EXOC2: variants seen among roughly 807,000 people sequenced by gnomAD.
EXOC2 encodes exocyst complex component 2.
In EXOC2, 70 loss-of-function variants were observed where a neutral mutation model predicts 131.8. That is an observed-to-expected ratio of 0.53 (90% CI 0.44 to 0.65). The LOEUF (loss-of-function observed/expected upper bound fraction) is 0.65, where lower values mean the gene tolerates loss of function less well. Ranked by LOEUF, EXOC2 falls within the 30% of genes least tolerant of loss-of-function variation. The pLI is 0.00. For synonymous variants in EXOC2, 411 were observed against 398.4 expected, an observed-to-expected ratio of 1.03 and a Z score of -0.38; for missense variants, 923 against 1,108.6, an observed-to-expected ratio of 0.83 and a Z score of 2.38.
intron 1 of EXOC2, among the ~76,000 whole-genome samples, chr6:658,667 T>TATTTTATATATATATATATATACATA (rs1561983437): frequency 1.5e-5 from 1 of 65,202 alleles, no homozygotes; most frequent in Non-Finnish European, 3.4e-5. Context: ...ATATATATAT[T>TATTTTATATATATATATATATACATA]TTTTTTTTTT....
intron 22 of EXOC2, among the ~76,000 whole-genome samples, chr6:541,569 T>C (rs955884924): frequency 2.2e-5 from 3 of 134,374 alleles, no homozygotes; most frequent in South Asian, 2.3e-4. Flanking sequence ...GCAGCTGAGG[T>C]TGAAGGAATA....
In EXOC2 at chr6:568,076, A is replaced by C. The variant is rs188435104; in HGVS notation, c.1444-3147T>G. On this transcript the variant is annotated intron_variant, in intron 13 of 27. Transcript: ENST00000230449. ...GCACCTACTGGAATGTCAGGAGCTA[A>C]ATCTTTGTTAAGGACCTTGTGATGG... is the stretch of plus-strand genomic sequence containing the variant. Among the ~76,000 whole-genome samples, 433 of 152,296 alleles carry C rather than the reference A, an allele frequency of 2.8e-3. 3 individuals carry two copies. The highest frequency in any genetic ancestry group is 1.0e-2 in the African/African-American group (415 of 41,556).
chr6:531,350 G>T (rs1766065860), intron 23 of EXOC2, among the ~76,000 whole-genome samples: 1 of 111,788 alleles, frequency 8.9e-6, no homozygotes, highest in South Asian at 2.4e-4. Context: ...ACTTTAAAAG[G>T]ATGTACTTTG....
intron 4 of EXOC2, among the ~76,000 whole-genome samples, chr6:628,294 A>C (rs1017729525): frequency 6.6e-6 from 1 of 152,238 alleles, no homozygotes; most frequent in African/African-American, 2.4e-5. Flanking sequence ...GAAGAAAAGA[A>C]CATTTTAAGA....
In EXOC2 at chr6:556,006, T is replaced by C. The variant is rs1474456532; in HGVS notation, c.1940A>G (p.Gln647Arg). ...ECKPGEASVF[Q>R]QPKTQEEVCQ... Reference sequence around the variant, plus strand: ...AACCTCCTCCTGTGTTTTAGGTTGTTGGAAGACCTGTAAGGAAGAATTTTG... The same window carrying C: ...AACCTCCTCCTGTGTTTTAGGTTGTCGGAAGACCTGTAAGGAAGAATTTTG... The change falls in exon 19 of 28, where the codon CAA becomes CGA. Residue 647 changes from glutamine (Q) to arginine (R), a missense_variant. Transcript: ENST00000230449. 1 of 1,614,078 alleles carries C rather than the reference T, an allele frequency of 6.2e-7. No homozygotes were observed. The highest frequency in any genetic ancestry group is 1.3e-5 in the African/African-American group (1 of 75,060).
intron 11 of EXOC2, among the ~76,000 whole-genome samples, chr6:583,679 T>C (rs1759039705): frequency 6.6e-6 from 1 of 152,242 alleles, no homozygotes; most frequent in Non-Finnish European, 1.5e-5. Flanking sequence ...ATACGCTGCA[T>C]ACATAGCGCA....
chr6:599,747 G>A (rs541452057), intron 7 of EXOC2, among the ~76,000 whole-genome samples: 1 of 152,214 alleles, frequency 6.6e-6, no homozygotes, highest in East Asian at 1.9e-4. Flanking sequence ...AGCAGGCAAA[G>A]AAAATTATAT....
intron 7 of EXOC2, among the ~76,000 whole-genome samples, chr6:606,078 T>C (rs890057255): frequency 2.0e-5 from 3 of 152,222 alleles, no homozygotes; most frequent in Non-Finnish European, 2.9e-5. Flanking sequence ...CAGGGAATAC[T>C]ATGCAGCCAT....
chr6:629,679 AC>A (rs1260619870), intron 4 of EXOC2, among the ~76,000 whole-genome samples, 155 bp downstream of exon 4: 1 of 152,238 alleles, frequency 6.6e-6, no homozygotes, highest in Non-Finnish European at 1.5e-5. Context: ...AGCATAGCTA[AC>A]AAGGCTTCAT....
chr6:646,160 T>C (rs1762570848), intron 1 of EXOC2, among the ~76,000 whole-genome samples: 1 of 152,190 alleles, frequency 6.6e-6, no homozygotes, highest in Non-Finnish European at 1.5e-5. Flanking sequence ...TGTTTCAACT[T>C]TGGATTAGAC....
At chr6:627,737 T>A (rs756494022) in intron 4 of EXOC2, among the ~76,000 whole-genome samples, 1 of 152,232 alleles carries the variant, frequency 6.6e-6, no homozygotes, top group Non-Finnish European at 1.5e-5. Flanking sequence ...TAATTATGAG[T>A]TAAATAAAAG....
At chr6:501,657 ATATC>A (rs1464160576) in intron 23 of EXOC2, among the ~76,000 whole-genome samples, 34 of 111,740 alleles carry the variant, frequency 3.0e-4, no homozygotes, top group Non-Finnish European at 5.0e-4. Flanking sequence ...ATAGATAGAT[ATATC>A]TATCTATAAA....
At position 618,854 on chromosome 6, in the gene EXOC2, T is replaced by A. The variant is rs1303287914; in HGVS notation, c.536+576A>T. Among the ~76,000 whole-genome samples the A allele has an allele frequency of 2.6e-5, 4 of 152,352 alleles. No homozygotes were observed. The South Asian group carries it at 8.3e-4, about 32-fold the overall frequency. ...AATAAACCATTGATTTATCCAAACATTTTTTGCTGAATATAATTATTTTAA... is the reference window on the plus strand; with the variant it reads ...AATAAACCATTGATTTATCCAAACAATTTTTGCTGAATATAATTATTTTAA... On this transcript the variant is annotated intron_variant, in intron 5 of 27. Transcript: ENST00000230449.
Position 526,432 on chromosome 6 carries a change from ATTTTTTTT to A in EXOC2, c.2380+6029_2380+6036del, listed in dbSNP as rs70985804. Among the ~76,000 whole-genome samples the A allele has an allele frequency of 3.9e-5, 3 of 76,016 alleles. No individual in the cohort carries two copies. In the Admixed American group the frequency reaches 5.5e-4, roughly 14 times the overall value. 49.9% of individuals were successfully genotyped at this position (76,016 alleles called of 152,430 possible). A position where few individuals can be genotyped will look rare whatever the true frequency, so the allele number is the denominator to read the frequency against. ...AGCACATCTGCCTTTTTCTTTGTGG[ATTTTTTTT>A]TTTTTTTTTTTTTTTTTGAGACAGA... On this transcript the variant is annotated intron_variant, in intron 23 of 27. Coordinates refer to ENST00000230449, the MANE Select transcript of EXOC2 (RefSeq NM_018303.6).
chr6:673,876 CACTT>C (rs1220159447), intron 1 of EXOC2, among the ~76,000 whole-genome samples: 4 of 152,120 alleles, frequency 2.6e-5, no homozygotes, highest in African/African-American at 9.7e-5. Flanking sequence ...GATGCTGAGA[CACTT>C]GCTTAATACA....
chr6:658,667 T>A (rs185602589), intron 1 of EXOC2, among the ~76,000 whole-genome samples: 6,363 of 64,386 alleles, frequency 0.099, 374 homozygotes, highest in African/African-American at 0.22. Flanking sequence ...ATATATATAT[T>A]TTTTTTTTTT....
chr6:513,397 G>A (rs1004435342), intron 23 of EXOC2, among the ~76,000 whole-genome samples: 6 of 152,208 alleles, frequency 3.9e-5, no homozygotes, highest in African/African-American at 1.4e-4. Context: ...AAACCAAGGA[G>A]GAAAATGAGA....
Position 564,063 on chromosome 6 carries a change from C to T in EXOC2, c.1759G>A (p.Val587Ile), listed in dbSNP as rs61744205. The change falls in exon 16 of 28, where the codon GTA becomes ATA. Residue 587 changes from valine (V) to isoleucine (I), a missense_variant. By Grantham distance (29) the Val-to-Ile change is conservative. Transcript: ENST00000230449. ...GCCGTGTGCTGCAACGTGGCCATTA[C>T]GCAACGTACTCGGAGATCCAAGATG... ...DLILDLRVRC[V>I]MATLQHTAEE... is the part of the protein sequence containing the mutation. 1.7e-3 allele frequency: 2,774 copies of T among 1,614,062 alleles called. 35 individuals are homozygous for T. The African/African-American group carries it at 0.032, about 19-fold the overall frequency.
Position 656,817 on chromosome 6 carries a change from G to C in EXOC2, c.-43-18956C>G, listed in dbSNP as rs1337786826. ...CTCGTGGAGGCCGCCGGAACCCGCGGGGCCGAAGCACAGGCTGTCAGGGCG... is the reference window on the plus strand; with the variant it reads ...CTCGTGGAGGCCGCCGGAACCCGCGCGGCCGAAGCACAGGCTGTCAGGGCG... On this transcript the variant is annotated intron_variant, in intron 1 of 27. Coordinates refer to ENST00000230449, the MANE Select transcript of EXOC2 (RefSeq NM_018303.6). 6.2e-7 allele frequency: 1 copy of C among 1,609,266 alleles called. No homozygotes were observed. Among genetic ancestry groups the C allele is most frequent in the Admixed American group, 1.7e-5 (1 of 59,606 alleles).
Sources: allele counts gnomAD v4.1 joint callset (sites outside exome capture counted in the v4.1 genomes callset), GRCh38; gene constraint gnomAD v4.1.1; transcripts MANE v1.5; gene names NCBI Gene and HGNC (gene_info 2026-07-23, HGNC 2026-07-21).